Variants in PCDHGA4 observed in about 807,000 individuals in gnomAD.
The protein encoded by PCDHGA4 is protocadherin gamma-A4.
A neutral mutation model predicts 54.6 loss-of-function variants in PCDHGA4; 38 were observed. That is an observed-to-expected ratio of 0.70 (90% CI 0.54 to 0.91). PCDHGA4 has a LOEUF of 0.91. PCDHGA4 is among the 40% of genes least tolerant of loss of function. The probability of loss-of-function intolerance (pLI) is 0.00; values close to 1 mark genes in which losing one functional copy is unlikely to be tolerated. For missense variants in PCDHGA4, 1,298 were observed against 1,220.9 expected (o/e 1.06, Z -0.94); for synonymous variants, 511 against 512.9 (o/e 1.00, Z 0.05).
Position 141,356,208 on chromosome 5 carries a change from A to G in PCDHGA4, c.1101A>G (p.Thr367=), listed in dbSNP as rs770917975. 1.2e-6 allele frequency: 2 copies of G among 1,605,788 alleles called. No homozygotes were observed. The highest frequency in any genetic ancestry group is 1.7e-5 in the Admixed American group (1 of 58,534). Residue 367 remains threonine (T), a synonymous_variant, in exon 1 of 4, where the codon ACA becomes ACG. Transcript: ENST00000571252. ...GAGCTAGAAGCAAGGTACTGGTGAC[A>G]GTTCTGGATGAAAATGACAACGCAC... ...GLRARSKVLV[T]VLDENDNAPE...
intron 1 of PCDHGA4, among the ~76,000 whole-genome samples, chr5:141,473,965 A>C (rs925515548): frequency 1.1e-4 from 16 of 152,206 alleles, no homozygotes; most frequent in African/African-American, 3.9e-4. Flanking sequence ...TCTACTTAGA[A>C]GTCTGAGGCG....
intron 1 of PCDHGA4, among the ~76,000 whole-genome samples, chr5:141,405,652 G>GT (rs1479754913): frequency 6.6e-6 from 1 of 152,034 alleles, no homozygotes; most frequent in Non-Finnish European, 1.5e-5. Flanking sequence ...TTTTTTGTGT[G>GT]TTTTTAGTAG....
In PCDHGA4 at chr5:141,356,177, G is replaced by A; in HGVS notation, c.1070G>A (p.Gly357Asp). The change falls in exon 1 of 4, where the codon GGT (glycine) becomes GAT (aspartate). Residue 357 changes from glycine (G) to aspartate (D), a missense_variant. Transcript: ENST00000571252. Reference protein sequence around the residue: ...DIDVEAHDGPGLRARSKVLVT... With the variant: ...DIDVEAHDGPDLRARSKVLVT... The stretch of plus-strand genomic sequence containing the variant: ...GATGTAGAAGCCCATGATGGGCCTG[G>A]TCTCCGAGCTAGAAGCAAGGTACTG... The A allele has an allele frequency of 6.2e-7, 1 of 1,612,412 alleles. No homozygotes were observed. Among genetic ancestry groups the A allele is most frequent in the Non-Finnish European group, 8.5e-7 (1 of 1,179,116 alleles).
intron 1 of PCDHGA4, among the ~76,000 whole-genome samples, chr5:141,468,306 C>T (rs1006015063): frequency 9.5e-6 from 1 of 105,260 alleles, no homozygotes; most frequent in African/African-American, 3.7e-5. Context: ...GCCTGGGCAA[C>T]AAGAGCAACG....
At chr5:141,450,006 CTT>C (rs1554136305) in intron 1 of PCDHGA4, among the ~76,000 whole-genome samples, 13 of 132,938 alleles carry the variant, frequency 9.8e-5, no homozygotes, top group Non-Finnish European at 7.9e-5. Flanking sequence ...TGCCATGTCT[CTT>C]TTTTTTTTTT....
intron 1 of PCDHGA4, among the ~76,000 whole-genome samples, chr5:141,438,615 T>C (rs566173071): frequency 5.6e-5 from 2 of 35,920 alleles, no homozygotes; most frequent in Admixed American, 4.1e-4. Flanking sequence ...TATATATATA[T>C]ATATATATAT....
At chr5:141,482,555 T>C (rs1419129474) in intron 1 of PCDHGA4, among the ~76,000 whole-genome samples, 1 of 116,392 alleles carries the variant, frequency 8.6e-6, no homozygotes, top group African/African-American at 3.8e-5. Context: ...AAAAAGATAA[T>C]GGAGATCTGC....
chr5:141,427,895 G>T (rs539406412), intron 1 of PCDHGA4: 3 of 1,569,228 alleles, frequency 1.9e-6, no homozygotes, highest in South Asian at 2.2e-5. Context: ...ACCAGGGCTC[G>T]CCCGCGCTCA....
chr5:141,419,769 C>G (rs773303779), intron 1 of PCDHGA4: 3 of 1,613,888 alleles, frequency 1.9e-6, no homozygotes, highest in Non-Finnish European at 2.5e-6. Context: ...GACAAGGACT[C>G]GGTCCGCCAG....
intron 1 of PCDHGA4, among the ~76,000 whole-genome samples, chr5:141,475,567 A>G (rs1260546062): frequency 6.6e-6 from 1 of 152,244 alleles, no homozygotes; most frequent in African/African-American, 2.4e-5. Flanking sequence ...CTGTCTTCCA[A>G]CAAGCCAGAT....
intron 1 of PCDHGA4, among the ~76,000 whole-genome samples, chr5:141,466,121 CA>C (rs908379481): frequency 4.8e-5 from 7 of 146,852 alleles, no homozygotes; most frequent in Non-Finnish European, 6.0e-5. Context: ...GACTCCAGCT[CA>C]AAAAAAAAAT....
chr5:141,399,632 C>G, intron 1 of PCDHGA4: 1 of 1,613,894 alleles, frequency 6.2e-7, no homozygotes, highest in Non-Finnish European at 8.5e-7. Flanking sequence ...TCTTACGTGT[C>G]CATGAGCGCG....
At chr5:141,416,405 T>C (rs948190812) in intron 1 of PCDHGA4, 1 of 152,200 alleles carries the variant, frequency 6.6e-6, no homozygotes, top group Non-Finnish European at 1.5e-5. Context: ...TTTGTCTTTT[T>C]TGTTAAATTT....
chr5:141,386,298 A>T (rs1459802596), intron 1 of PCDHGA4, among the ~76,000 whole-genome samples: 1 of 152,242 alleles, frequency 6.6e-6, no homozygotes, highest in African/African-American at 2.4e-5. Flanking sequence ...ACATTTTAGT[A>T]AAGCTCAGTA....
chr5:141,382,072 G>T (rs901840757), intron 1 of PCDHGA4, among the ~76,000 whole-genome samples: 2 of 151,786 alleles, frequency 1.3e-5, no homozygotes, highest in Non-Finnish European at 2.9e-5. Context: ...CAGGTGATCC[G>T]CCCGCCTCGG....
chr5:141,372,349 A>G lies in PCDHGA4; in HGVS notation c.2514+14728A>G, dbSNP rs373267938. ...GTCACTGTGCGTGATGGAGGACAGCAGCCTCTTTCAGCCACCGTCATGCTG... is the reference window on the plus strand; with the variant it reads ...GTCACTGTGCGTGATGGAGGACAGCGGCCTCTTTCAGCCACCGTCATGCTG... On this transcript the variant is annotated intron_variant, in intron 1 of 3. Transcript: ENST00000571252. 1.1e-5 allele frequency: 18 copies of G among 1,613,786 alleles called. No individual in the cohort carries two copies. The African/African-American group carries it at 2.4e-4, about 22-fold the overall frequency.
chr5:141,405,203 C>T, intron 1 of PCDHGA4: 2 of 1,613,520 alleles, frequency 1.2e-6, no homozygotes, highest in Non-Finnish European at 1.7e-6. Context: ...AGCTTTCCTA[C>T]AGACCTATTC....
chr5:141,398,937 C>A, intron 1 of PCDHGA4: 1 of 1,613,902 alleles, frequency 6.2e-7, no homozygotes. Context: ...CTGACCAAGA[C>A]GAGGGCATCA....
intron 1 of PCDHGA4, among the ~76,000 whole-genome samples, chr5:141,373,364 G>A (rs576808182): frequency 3.3e-5 from 5 of 152,214 alleles, no homozygotes; most frequent in Non-Finnish European, 7.3e-5. Flanking sequence ...GCACTGTAAT[G>A]AATTGGTTCA....
Sources: gnomAD v4.1 joint callset for allele counts (sites outside exome capture counted in the v4.1 genomes callset) on GRCh38, gnomAD v4.1.1 for gene constraint, MANE v1.5 for transcripts, NCBI Gene and HGNC (gene_info 2026-07-23, HGNC 2026-07-21) for gene names.